The following DYRK1A variants were observed in gnomAD, a reference collection of about 807,000 sequenced individuals.
DYRK1A encodes the protein dual specificity tyrosine-phosphorylation-regulated kinase 1A.
Under a neutral mutation model 79.7 loss-of-function variants are expected in DYRK1A, and 9 were observed. That is an observed-to-expected ratio of 0.11 (90% CI 0.07 to 0.20). The LOEUF is 0.20. Ranked by LOEUF, DYRK1A falls within the 10% of genes least tolerant of loss-of-function variation. DYRK1A has a pLI of 1.00. For missense variants in DYRK1A, 622 were observed against 956.0 expected, an observed-to-expected ratio of 0.65 and a Z score of 4.61; for synonymous variants, 349 against 329.7, an observed-to-expected ratio of 1.06 and a Z score of -0.63.
chr21:37,500,878 G>T (rs1417189623), intron 9 of DYRK1A, among the ~76,000 whole-genome samples: 1 of 150,746 alleles, frequency 6.6e-6, no homozygotes, highest in Non-Finnish European at 1.5e-5. Context: ...CCTCAGGGTT[G>T]ATCAAGTTTA....
intron 1 of DYRK1A, among the ~76,000 whole-genome samples, chr21:37,405,332 G>A (rs964864949): frequency 2.6e-5 from 4 of 152,080 alleles, no homozygotes; most frequent in African/African-American, 7.2e-5. Context: ...TCTATTTTCT[G>A]CCTAGTCTCC....
chr21:37,422,323 T>C (rs1488879269), intron 2 of DYRK1A, among the ~76,000 whole-genome samples: 1 of 152,176 alleles, frequency 6.6e-6, no homozygotes, highest in Non-Finnish European at 1.5e-5. Context: ...GCTTTCAGAA[T>C]CATCATTAAT....
chr21:37,451,031 A>G (rs965564980), intron 2 of DYRK1A, among the ~76,000 whole-genome samples: 1 of 152,244 alleles, frequency 6.6e-6, no homozygotes, highest in African/African-American at 2.4e-5. Context: ...GCTTACGTGT[A>G]TGTGTATCTT....
At position 37,525,913 on chromosome 21, in the gene DYRK1A, C is replaced by T. The variant is rs2053964809; in HGVS notation, c.*13382C>T. 6.6e-6 allele frequency: 1 copy of T among 152,214 alleles called. No homozygotes were observed. The highest frequency in any genetic ancestry group is 1.5e-5 in the Non-Finnish European group (1 of 68,046). The allele number at this position is 152,214 out of a possible 1,614,324, so 9.4% of individuals were successfully genotyped here. ...ACTGCCCCGAACCACCGTTACTAAA[C>T]ACTGAATAGTTTTGGAAATTCACTT... On this transcript the variant is annotated 3_prime_UTR_variant, in exon 12 of 12. Transcript: ENST00000647188.
Position 37,440,130 on chromosome 21 carries a change from CTTTTTTTTT to C in DYRK1A, c.10+19761_10+19769del, listed in dbSNP as rs1164986221. ...CCGTTGACTTTGATTTTGTTTGCTC[CTTTTTTTTT>C]TTTTTTTTTTTTTTGAGACGGAGTT... On this transcript the variant is annotated intron_variant, in intron 2 of 11. Transcript: ENST00000647188. 2.4e-4 allele frequency among the ~76,000 whole-genome samples: 9 copies of C among 37,760 alleles called. No individual in the cohort carries two copies. In the South Asian group the frequency reaches 3.9e-3, roughly 16 times the overall value. The allele number at this position is 37,760 out of a possible 152,430, so 24.8% of individuals were successfully genotyped here.
chr21:37,468,160 C>G (rs1157832365), intron 2 of DYRK1A, among the ~76,000 whole-genome samples: 1 of 152,072 alleles, frequency 6.6e-6, no homozygotes, highest in Non-Finnish European at 1.5e-5. Flanking sequence ...CAGGCTGGAG[C>G]ACATACAGTG....
intron 2 of DYRK1A, among the ~76,000 whole-genome samples, chr21:37,471,247 G>A (rs546437390): frequency 1.3e-5 from 2 of 152,314 alleles, no homozygotes; most frequent in South Asian, 2.1e-4. Context: ...TGTTAGGAGA[G>A]GGAATGAGCA....
chr21:37,374,801 C>A (rs2049504697), intron 1 of DYRK1A, among the ~76,000 whole-genome samples: 1 of 152,172 alleles, frequency 6.6e-6, no homozygotes, highest in South Asian at 2.1e-4. Flanking sequence ...GATCCGCCTG[C>A]CTTGGCCTCC....
intron 6 of DYRK1A, chr21:37,488,774 A>G (rs1344483903): frequency 1.0e-6 from 1 of 985,302 alleles, no homozygotes. Flanking sequence ...TAATCACATT[A>G]GAATTCTGAC....
intron 1 of DYRK1A, among the ~76,000 whole-genome samples, chr21:37,386,456 T>C (rs1602380108): frequency 6.6e-6 from 1 of 152,212 alleles, no homozygotes; most frequent in East Asian, 1.9e-4. Flanking sequence ...TTTTGGGTAT[T>C]CTGAGGGTTT....
intron 2 of DYRK1A, among the ~76,000 whole-genome samples, chr21:37,455,618 T>A (rs1220801897): frequency 6.6e-6 from 1 of 152,196 alleles, no homozygotes; most frequent in Admixed American, 6.5e-5. Context: ...TGTCTCTTCA[T>A]GCATCTCCTT....
At chr21:37,387,936 T>G (rs11700867) in intron 1 of DYRK1A, among the ~76,000 whole-genome samples, 11,828 of 152,174 alleles carry the variant, frequency 0.078, 697 homozygotes, top group Non-Finnish European at 0.12. Flanking sequence ...AACACAACAC[T>G]ATGGAAAAGG....
chr21:37,488,055 A>G (rs1319338130), intron 6 of DYRK1A: 1 of 152,212 alleles, frequency 6.6e-6, no homozygotes, highest in African/African-American at 2.4e-5. Flanking sequence ...CATTACTGTA[A>G]CATTTTAATT....
Position 37,493,096 on chromosome 21 carries a change from T to C in DYRK1A, c.1004T>C (p.Met335Thr), listed in dbSNP as rs746978297. 9.3e-6 allele frequency: 15 copies of C among 1,613,692 alleles called. No homozygotes were observed. The East Asian group carries it at 2.0e-4, about 22-fold the overall frequency. ...ATGCCTTATGACCTTGCCATTGATA[T>C]GTGGTCCCTCGGGTGTATTTTGGTT... ...LGMPYDLAID[M>T]WSLGCILVEM... Residue 335 changes from methionine (M) to threonine (T), a missense_variant, in exon 8 of 12, where the codon ATG (methionine) becomes ACG (threonine). Coordinates refer to ENST00000647188, the MANE Select transcript of DYRK1A (RefSeq NM_001347721.2).
chr21:37,401,933 A>G (rs909760618), intron 1 of DYRK1A, among the ~76,000 whole-genome samples: 7 of 152,180 alleles, frequency 4.6e-5, no homozygotes, highest in African/African-American at 1.7e-4. Context: ...ATATTTTCAA[A>G]TATTTAGAGT....
At chr21:37,405,316 C>A (rs2050127940) in intron 1 of DYRK1A, among the ~76,000 whole-genome samples, 1 of 152,072 alleles carries the variant, frequency 6.6e-6, no homozygotes, top group Non-Finnish European at 1.5e-5. Flanking sequence ...TGTTTTTGTT[C>A]TTTTATCTAT....
At chr21:37,416,926 G>A (rs1569303830) in intron 1 of DYRK1A, among the ~76,000 whole-genome samples, 2 of 152,088 alleles carry the variant, frequency 1.3e-5, no homozygotes, top group Non-Finnish European at 2.9e-5. Context: ...AAGAAATGAG[G>A]TAGTACTTAA....
intron 2 of DYRK1A, among the ~76,000 whole-genome samples, chr21:37,425,940 T>G (rs2050605839): frequency 6.6e-6 from 1 of 152,190 alleles, no homozygotes; most frequent in Non-Finnish European, 1.5e-5. Flanking sequence ...GAAATTATGT[T>G]TGAGAAGAGC....
rs140594077 is a variant in DYRK1A, at chr21:37,471,860, A to G, written c.11-824A>G. 7.2e-5 allele frequency among the ~76,000 whole-genome samples: 11 copies of G among 152,332 alleles called. No individual in the cohort carries two copies. In the East Asian group the frequency reaches 2.1e-3, roughly 29 times the overall value. Reference sequence around the variant, plus strand: ...TTGAATCTAGTCATTCTTGTTGACCAAGGTTTTAGGCTTTAGTCTGTGATT... The same window carrying G: ...TTGAATCTAGTCATTCTTGTTGACCGAGGTTTTAGGCTTTAGTCTGTGATT... On this transcript the variant is annotated intron_variant, in intron 2 of 11. Transcript: ENST00000647188.
Sources: gnomAD v4.1 joint callset for allele counts (sites outside exome capture counted in the v4.1 genomes callset) on GRCh38, gnomAD v4.1.1 for gene constraint, MANE v1.5 for transcripts, NCBI Gene and HGNC (gene_info 2026-07-23, HGNC 2026-07-21) for gene names.